TEX9: variants seen among roughly 807,000 people sequenced by gnomAD.
TEX9 encodes testis-expressed protein 9.
TEX9 carries 74 observed loss-of-function variants against 59.6 expected under a neutral mutation model. That is an observed-to-expected ratio of 1.24 (90% CI 1.03 to 1.51). The LOEUF (loss-of-function observed/expected upper bound fraction) is 1.51. Among genes scored for constraint, TEX9 ranks in the 40% most tolerant of loss-of-function variants. The pLI is 0.00. For missense variants in TEX9, 522 were observed against 447.8 expected, an observed-to-expected ratio of 1.17 and a Z score of -1.49; for synonymous variants, 186 against 152.2, an observed-to-expected ratio of 1.22 and a Z score of -1.64.
chr15:56,360,108 TTTA>T (rs2046763653), intron 1 of TEX9, among the ~76,000 whole-genome samples: 1 of 152,208 alleles, frequency 6.6e-6, no homozygotes, highest in South Asian at 2.1e-4. Context: ...CATAATTCTT[TTTA>T]GACATTGTTG....
intron 1 of TEX9, among the ~76,000 whole-genome samples, chr15:56,329,466 G>A (rs756507773): frequency 3.9e-4 from 59 of 152,188 alleles, no homozygotes; most frequent in Non-Finnish European, 6.9e-4. Flanking sequence ...GGGATAAATC[G>A]TGTGGAAACA....
intron 1 of TEX9, among the ~76,000 whole-genome samples, chr15:56,346,178 C>T (rs143678569): frequency 1.7e-4 from 26 of 152,290 alleles, no homozygotes; most frequent in African/African-American, 5.1e-4. Flanking sequence ...GGCTCTCAAT[C>T]GGCAAGAAGA....
intron 1 of TEX9, among the ~76,000 whole-genome samples, chr15:56,339,135 C>A (rs2046315841): frequency 6.6e-6 from 1 of 151,596 alleles, no homozygotes; most frequent in Non-Finnish European, 1.5e-5. Context: ...GTAATCCCAG[C>A]ACTTTGAGGG....
intron 1 of TEX9, among the ~76,000 whole-genome samples, chr15:56,273,966 T>C (rs919436161): frequency 2.0e-5 from 3 of 152,196 alleles, no homozygotes; most frequent in Admixed American, 1.3e-4. Context: ...TTCTCGTATC[T>C]GTGGCTTCAT....
chr15:56,266,907 G>T (rs8039330), intron 1 of TEX9, among the ~76,000 whole-genome samples: 81,359 of 151,906 alleles, frequency 0.54, 22,250 homozygotes, highest in East Asian at 0.82. Context: ...CCACACAGTC[G>T]TCCATAATGG....
chr15:56,441,741 A>G (rs1200693794), intron 12 of TEX9, among the ~76,000 whole-genome samples: 2 of 152,194 alleles, frequency 1.3e-5, no homozygotes, highest in Non-Finnish European at 2.9e-5. Context: ...CTGGCCAGGC[A>G]CGGTGGCTCA....
At chr15:56,313,609 T>C (rs1289344001) in intron 1 of TEX9, among the ~76,000 whole-genome samples, 3 of 134,750 alleles carry the variant, frequency 2.2e-5, no homozygotes, top group Non-Finnish European at 3.2e-5. Context: ...TCTAAAATTC[T>C]CTTTTTTTGT....
chr15:56,388,420 T>G, intron 4 of TEX9, 52 bp from the exon 5 acceptor site: 2 of 1,347,512 alleles, frequency 1.5e-6, no homozygotes, highest in Non-Finnish European at 1.1e-6. Context: ...TTTCATTGTC[T>G]CAGCTCAGTG....
At chr15:56,341,893 T>C (rs1045385111) in intron 1 of TEX9, among the ~76,000 whole-genome samples, 22 of 152,134 alleles carry the variant, frequency 1.4e-4, no homozygotes, top group African/African-American at 4.6e-4. Context: ...ATTTTAGAGA[T>C]AGAGGTGGAA....
At chr15:56,256,970 T>C (rs1034387648) in intron 1 of TEX9, among the ~76,000 whole-genome samples, 1 of 151,922 alleles carries the variant, frequency 6.6e-6, no homozygotes, top group Non-Finnish European at 1.5e-5. Flanking sequence ...CCCAGTGTGT[T>C]CTATTCCCCT....
At chr15:56,271,694 A>G (rs536231095) in intron 1 of TEX9, among the ~76,000 whole-genome samples, 8 of 152,194 alleles carry the variant, frequency 5.3e-5, no homozygotes, top group Non-Finnish European at 1.2e-4. Flanking sequence ...TAGTGTTTGT[A>G]TGGCATATGA....
At chr15:56,358,446 A>C (rs1470510787) in intron 1 of TEX9, among the ~76,000 whole-genome samples, 4 of 152,142 alleles carry the variant, frequency 2.6e-5, no homozygotes, top group African/African-American at 9.7e-5. Flanking sequence ...CTTAAAAAAA[A>C]AAAGATTTAA....
chr15:56,397,057 T>C (rs2048516055), intron 9 of TEX9: 1 of 152,752 alleles, frequency 6.5e-6, no homozygotes, highest in Admixed American at 6.6e-5. Flanking sequence ...CTCAGAAAAA[T>C]ACAGGAAAAT....
At chr15:56,248,822 C>G (rs1207154613) in intron 1 of TEX9, 1 of 152,168 alleles carries the variant, frequency 6.6e-6, no homozygotes, top group Non-Finnish European at 1.5e-5. Flanking sequence ...TAGTTATTTA[C>G]TTAACACTAA....
chr15:56,332,558 A>G (rs1314514286), intron 1 of TEX9, among the ~76,000 whole-genome samples: 4 of 151,988 alleles, frequency 2.6e-5, no homozygotes, highest in African/African-American at 7.2e-5. Context: ...AGCATGGCTC[A>G]TGTATACATA....
In TEX9 at chr15:56,425,346, A is replaced by G. The variant is rs569355632; in HGVS notation, c.964-2259A>G. On this transcript the variant is annotated intron_variant, in intron 10 of 12. Coordinates refer to ENST00000352903, the Ensembl canonical transcript of TEX9. The stretch of plus-strand genomic sequence containing the variant: ...TGTCTCCTTTTCTATCTAAGATTAC[A>G]CTGATATACATATTGGCCCACTTGA... Among the ~76,000 whole-genome samples, 244 of 152,214 alleles carry G rather than the reference A, an allele frequency of 1.6e-3. 2 individuals carry two copies. Among genetic ancestry groups the G allele is most frequent in the African/African-American group, 5.7e-3 (237 of 41,540 alleles).
At chr15:56,271,580 T>TA (rs1226313607) in intron 1 of TEX9, among the ~76,000 whole-genome samples, 1 of 152,170 alleles carries the variant, frequency 6.6e-6, no homozygotes, top group African/African-American at 2.4e-5. Context: ...GTTACAGGCA[T>TA]GAGTCACCAT....
At chr15:56,387,530 A>G (rs1326180407) in intron 4 of TEX9, among the ~76,000 whole-genome samples, 1 of 151,892 alleles carries the variant, frequency 6.6e-6, no homozygotes, top group Non-Finnish European at 1.5e-5. Flanking sequence ...AAATTTATGC[A>G]TGGCTAGCTA....
At chr15:56,265,023 C>A (rs935240356) in intron 1 of TEX9, among the ~76,000 whole-genome samples, 2 of 152,178 alleles carry the variant, frequency 1.3e-5, no homozygotes, top group Non-Finnish European at 2.9e-5. Context: ...ATCTTGAAAT[C>A]TTGTAGTAAG....
Sources: allele counts gnomAD v4.1 joint callset (sites outside exome capture counted in the v4.1 genomes callset), GRCh38; gene constraint gnomAD v4.1.1; transcripts MANE v1.5; gene names NCBI Gene and HGNC (gene_info 2026-07-23, HGNC 2026-07-21).